The following AKIRIN2 variants were observed in gnomAD, a reference collection of about 807,000 sequenced individuals.
The protein encoded by AKIRIN2 is akirin 2.
Under a neutral mutation model 29.3 loss-of-function variants are expected in AKIRIN2, and 6 were observed. That is an observed-to-expected ratio of 0.20 (90% CI 0.11 to 0.40). The LOEUF (loss-of-function observed/expected upper bound fraction) is 0.40. Ranked by LOEUF, AKIRIN2 falls within the 10% of genes least tolerant of loss-of-function variation. AKIRIN2 has a pLI of 1.00. For synonymous variants in AKIRIN2, 128 were observed against 117.5 expected, an observed-to-expected ratio of 1.09 and a Z score of -0.58; for missense variants, 210 against 276.1, an observed-to-expected ratio of 0.76 and a Z score of 1.70.
At chr6:87,691,088 C>T (rs1189912440) in intron 1 of AKIRIN2, among the ~76,000 whole-genome samples, 2 of 152,130 alleles carry the variant, frequency 1.3e-5, no homozygotes, top group Admixed American at 6.5e-5. Context: ...AAAAGTCAAT[C>T]GATTTCACAA....
intron 1 of AKIRIN2, among the ~76,000 whole-genome samples, chr6:87,687,751 A>C (rs1033509023): frequency 6.6e-6 from 1 of 152,248 alleles, no homozygotes; most frequent in African/African-American, 2.4e-5. Flanking sequence ...AGCTTATATT[A>C]CACTAAGGGG....
At chr6:87,681,076 C>T (rs1000702892) in intron 2 of AKIRIN2, among the ~76,000 whole-genome samples, 6 of 151,970 alleles carry the variant, frequency 3.9e-5, no homozygotes, top group Non-Finnish European at 5.9e-5. Flanking sequence ...CTCACTCTGT[C>T]GCCCAAGCTG....
intron 3 of AKIRIN2, among the ~76,000 whole-genome samples, chr6:87,676,605 A>ACGCG (rs1238003127): frequency 1.4e-5 from 1 of 73,878 alleles, no homozygotes; most frequent in African/African-American, 4.1e-5. Context: ...AAACACACAC[A>ACGCG]CACACACACA....
At chr6:87,677,269 T>C (rs1771031037) in intron 3 of AKIRIN2, among the ~76,000 whole-genome samples, 1 of 152,122 alleles carries the variant, frequency 6.6e-6, no homozygotes, top group South Asian at 2.1e-4. Flanking sequence ...TCTAAGCAAA[T>C]TATCTTCTCT....
At chr6:87,693,640 G>A (rs767659522) in intron 1 of AKIRIN2, among the ~76,000 whole-genome samples, 3 of 149,422 alleles carry the variant, frequency 2.0e-5, no homozygotes, top group East Asian at 2.0e-4. Flanking sequence ...CAGGAGAATC[G>A]CTTGACCCCA....
intron 1 of AKIRIN2, among the ~76,000 whole-genome samples, chr6:87,700,036 T>C (rs1771431572): frequency 6.6e-6 from 1 of 150,888 alleles, no homozygotes; most frequent in Non-Finnish European, 1.5e-5. Flanking sequence ...GCTGTTTCCT[T>C]TTTTTTTTCC....
intron 1 of AKIRIN2, among the ~76,000 whole-genome samples, chr6:87,692,684 C>A (rs185035452): frequency 6.6e-6 from 1 of 152,240 alleles, no homozygotes; most frequent in African/African-American, 2.4e-5. Context: ...TGGCGGCGCA[C>A]GCCTGTAATC....
At position 87,677,883 on chromosome 6, in the gene AKIRIN2, A is replaced by T. The variant is rs1236817072; in HGVS notation, c.464T>A (p.Leu155Ter). ...LRQVGMICER[L>*]LKEREEKVRE... is the part of the protein sequence containing the mutation. ...AACTTTCTCTTCACGTTCTTTCAAC[A>T]AACGTTCACAGATCATCCCAACCTG... Residue 155 changes from leucine to a stop codon, truncating the protein, a stop_gained, in exon 3 of 5, where the codon TTG becomes TAG. Coordinates refer to ENST00000257787, the MANE Select transcript of AKIRIN2 (RefSeq NM_018064.4). LOFTEE classifies it high-confidence loss of function. 6.2e-7 allele frequency: 1 copy of T among 1,614,126 alleles called. No individual in the cohort carries two copies. The highest frequency in any genetic ancestry group is 8.5e-7 in the Non-Finnish European group (1 of 1,180,012).
At chr6:87,675,739 C>T (rs1412527588) in intron 4 of AKIRIN2, 121 bp downstream of exon 4, 1 of 1,445,430 alleles carries the variant, frequency 6.9e-7, no homozygotes, top group Non-Finnish European at 9.6e-7. Context: ...CTGCCTATTT[C>T]CTCCATACAT....
At position 87,683,195 on chromosome 6, in the gene AKIRIN2, A is replaced by G. The variant is rs556468064; in HGVS notation, c.236-1432T>C. On this transcript the variant is annotated intron_variant, in intron 1 of 4. Transcript: ENST00000257787. ...CCAGTTAAAGATACCATTTACATAA[A>G]TTTTGTTGTATAAAAAGACCTGTTT... 7.2e-5 allele frequency among the ~76,000 whole-genome samples: 11 copies of G among 152,330 alleles called. 1 individual carries two copies. Among genetic ancestry groups the G allele is most frequent in the Admixed American group, 5.9e-4 (9 of 15,306 alleles).
In AKIRIN2 at chr6:87,696,549, A is replaced by G. The variant is rs1373990490; in HGVS notation, c.235+4901T>C. On this transcript the variant is annotated intron_variant, in intron 1 of 4. Coordinates refer to ENST00000257787, the MANE Select transcript of AKIRIN2 (RefSeq NM_018064.4). ...ACCCCATCTCTACTAAAAATACAAAATATTAGCCAGGCATGGTGGCGGGCA... is the reference window on the plus strand; with the variant it reads ...ACCCCATCTCTACTAAAAATACAAAGTATTAGCCAGGCATGGTGGCGGGCA... 4.0e-5 allele frequency among the ~76,000 whole-genome samples: 6 copies of G among 151,636 alleles called. No individual in the cohort carries two copies. In the East Asian group the frequency reaches 9.8e-4, roughly 25 times the overall value.
At chr6:87,684,944 G>A (rs537826187) in intron 1 of AKIRIN2, among the ~76,000 whole-genome samples, 1 of 152,090 alleles carries the variant, frequency 6.6e-6, no homozygotes, top group African/African-American at 2.4e-5. Context: ...AAATAAAATT[G>A]CTAAACCATT....
At chr6:87,678,023 G>C in intron 2 of AKIRIN2, 56 bp from the exon 3 acceptor site, 2 of 1,481,372 alleles carry the variant, frequency 1.4e-6, no homozygotes, top group East Asian at 2.3e-5. Flanking sequence ...ATATAAAGCA[G>C]TTTCTAAATG....
At chr6:87,699,528 G>C (rs1771424275) in intron 1 of AKIRIN2, among the ~76,000 whole-genome samples, 1 of 151,766 alleles carries the variant, frequency 6.6e-6, no homozygotes, top group African/African-American at 2.4e-5. Flanking sequence ...AACTTCCAAA[G>C]TAGATGTCAA....
intron 1 of AKIRIN2, among the ~76,000 whole-genome samples, chr6:87,688,900 T>C (rs965339938): frequency 6.6e-6 from 1 of 152,150 alleles, no homozygotes; most frequent in African/African-American, 2.4e-5. Context: ...ACAGGGCCAA[T>C]GTAATGTGTA....
At chr6:87,696,712 A>C (rs1771371760) in intron 1 of AKIRIN2, among the ~76,000 whole-genome samples, 1 of 148,976 alleles carries the variant, frequency 6.7e-6, no homozygotes, top group South Asian at 2.1e-4. Context: ...AAAAAAAAAA[A>C]AAAAAGCCAG....
At position 87,701,363 on chromosome 6, in the gene AKIRIN2, C is replaced by G. The variant is rs1771461103; in HGVS notation, c.235+87G>C. 3.6e-6 allele frequency: 5 copies of G among 1,382,558 alleles called. No homozygotes were observed. In the South Asian group the frequency reaches 6.9e-5, roughly 19 times the overall value. 85.6% of individuals were successfully genotyped at this position (1,382,558 alleles called of 1,614,324 possible). A position where few individuals can be genotyped will look rare whatever the true frequency, so the allele number is the denominator to read the frequency against. ...GAACAAGAACCACACAGTCCGGCAC[C>G]CCCACCCCAGGGGCCGCATCCCACA... On this transcript the variant is annotated intron_variant, in intron 1 of 4. Coordinates refer to ENST00000257787, the MANE Select transcript of AKIRIN2 (RefSeq NM_018064.4).
chr6:87,678,068 T>C, intron 2 of AKIRIN2, 101 bp from the exon 3 acceptor site: 11 of 1,086,830 alleles, frequency 1.0e-5, no homozygotes, highest in East Asian at 2.6e-5. Flanking sequence ...AATCTTGATA[T>C]AAAAGCATTT....
chr6:87,676,484 C>CG (rs1351028503), intron 3 of AKIRIN2, among the ~76,000 whole-genome samples: 1 of 145,356 alleles, frequency 6.9e-6, no homozygotes, highest in Non-Finnish European at 1.5e-5. Flanking sequence ...AGGCCGGGCG[C>CG]GGTGGCTCAC....
Sources: allele counts gnomAD v4.1 joint callset (sites outside exome capture counted in the v4.1 genomes callset), GRCh38; gene constraint gnomAD v4.1.1; transcripts MANE v1.5; gene names NCBI Gene and HGNC (gene_info 2026-07-23, HGNC 2026-07-21).